The following ATP2C2 variants were observed in gnomAD, a reference collection of about 807,000 sequenced individuals.
ATP2C2 encodes calcium-transporting ATPase type 2C member 2.
Under a neutral mutation model 110.8 loss-of-function variants are expected in ATP2C2, and 171 were observed. The observed-to-expected ratio is 1.54, with a 90% confidence interval of 1.36 to 1.75. The LOEUF is 1.75. ATP2C2 is among the 40% of genes most tolerant of loss of function. ATP2C2 has a pLI of 0.00. For synonymous variants in ATP2C2, 804 were observed against 508.4 expected, an observed-to-expected ratio of 1.58 and a Z score of -7.82; for missense variants, 1,963 against 1,235.0, an observed-to-expected ratio of 1.59 and a Z score of -8.84.
intron 20 of ATP2C2, among the ~76,000 whole-genome samples, chr16:84,454,008 T>A (rs962689956): frequency 1.3e-5 from 2 of 152,098 alleles, no homozygotes; most frequent in Non-Finnish European, 2.9e-5. Flanking sequence ...ACCCGGCTAA[T>A]GTTTGTAATT....
intron 18 of ATP2C2, among the ~76,000 whole-genome samples, chr16:84,452,758 C>A (rs1027450807): frequency 6.6e-6 from 1 of 152,130 alleles, no homozygotes; most frequent in Non-Finnish European, 1.5e-5. Flanking sequence ...CTCGGCCTCA[C>A]AAAGTGCTGG....
chr16:84,413,070 C>G (rs247812), intron 6 of ATP2C2, among the ~76,000 whole-genome samples: 2 of 149,914 alleles, frequency 1.3e-5, no homozygotes, highest in Non-Finnish European at 3.0e-5. Context: ...TGTACTCCAG[C>G]CTGTGCGATA....
intron 1 of ATP2C2, among the ~76,000 whole-genome samples, chr16:84,381,594 T>C (rs1910581608): frequency 6.6e-6 from 1 of 151,882 alleles, no homozygotes; most frequent in South Asian, 2.1e-4. Context: ...AGAAAAAATA[T>C]TTAAAAAAAA....
At chr16:84,385,279 T>A (rs1363728054) in intron 1 of ATP2C2, among the ~76,000 whole-genome samples, 1 of 151,666 alleles carries the variant, frequency 6.6e-6, no homozygotes, top group East Asian at 1.9e-4. Context: ...TGCTTTTAAA[T>A]GACGAGATCT....
intron 24 of ATP2C2, 122 bp from the exon 25 acceptor site, chr16:84,461,592 C>G: frequency 1.2e-6 from 1 of 856,312 alleles, no homozygotes; most frequent in South Asian, 1.4e-5. Flanking sequence ...GTGACCGATT[C>G]ATGAGCTTGT....
At chr16:84,377,197 G>A (rs1016079096) in intron 1 of ATP2C2, among the ~76,000 whole-genome samples, 8 of 152,120 alleles carry the variant, frequency 5.3e-5, no homozygotes, top group Non-Finnish European at 1.2e-4. Context: ...TCTTAGTAGT[G>A]GAAGTTGTGT....
chr16:84,401,222 C>CTTTTTTTTTT (rs55635029), intron 2 of ATP2C2, among the ~76,000 whole-genome samples: 1 of 121,592 alleles, frequency 8.2e-6, no homozygotes, highest in Non-Finnish European at 1.6e-5. Flanking sequence ...AGTCTTTAAT[C>CTTTTTTTTTT]TTTTTTTTTT....
chr16:84,372,465 G>A (rs1029063846), intron 1 of ATP2C2, among the ~76,000 whole-genome samples: 1 of 152,012 alleles, frequency 6.6e-6, no homozygotes, highest in African/African-American at 2.4e-5. Flanking sequence ...ACAGTGTCTC[G>A]CCCTGTCACC....
At chr16:84,462,155 G>T (rs34205686) in intron 26 of ATP2C2, 26 bp downstream of exon 26, 11 of 1,601,976 alleles carry the variant, frequency 6.9e-6, no homozygotes, top group Non-Finnish European at 8.5e-6. Flanking sequence ...GGGAACGACA[G>T]GTGACCTCGA....
chr16:84,441,484 C>T (rs565625186), intron 14 of ATP2C2, among the ~76,000 whole-genome samples: 1 of 152,134 alleles, frequency 6.6e-6, no homozygotes, highest in Non-Finnish European at 1.5e-5. Context: ...GCTGTACTCA[C>T]CCTTTCACAG....
At chr16:84,459,753 G>C (rs145418686) in intron 23 of ATP2C2, 3 of 630,918 alleles carry the variant, frequency 4.8e-6, no homozygotes, top group South Asian at 1.9e-5. Flanking sequence ...TTTTTCCCTA[G>C]AGAGGAAGAT....
At chr16:84,449,434 G>C (rs773409998) in intron 17 of ATP2C2, among the ~76,000 whole-genome samples, 48 of 152,214 alleles carry the variant, frequency 3.2e-4, no homozygotes, top group Non-Finnish European at 5.1e-4. Flanking sequence ...CAAATGGTTT[G>C]TGTTGCGCTG....
chr16:84,417,591 T>A (rs1906953121), intron 7 of ATP2C2, among the ~76,000 whole-genome samples: 1 of 152,222 alleles, frequency 6.6e-6, no homozygotes, highest in African/African-American at 2.4e-5. Flanking sequence ...TCTGCCCTGC[T>A]TATGTTAAAT....
rs115908328 is a variant in ATP2C2, at chr16:84,370,343, G to C, written c.99+1629G>C. Among the ~76,000 whole-genome samples, 198 of 152,372 alleles carry C rather than the reference G, an allele frequency of 1.3e-3. 2 individuals are homozygous for C. The highest frequency in any genetic ancestry group is 4.4e-3 in the African/African-American group (183 of 41,592). ...GGCCCTGGGTGCGTGATGATGGGCAGTGTGCAGCGCCAGGAGGCGGGTGAT... is the reference window on the plus strand; with the variant it reads ...GGCCCTGGGTGCGTGATGATGGGCACTGTGCAGCGCCAGGAGGCGGGTGAT... On this transcript the variant is annotated intron_variant, in intron 1 of 26. Coordinates refer to ENST00000262429, the MANE Select transcript of ATP2C2 (RefSeq NM_014861.4).
intron 21 of ATP2C2, 116 bp from the exon 22 acceptor site, chr16:84,459,004 G>T: frequency 8.8e-7 from 1 of 1,136,456 alleles, no homozygotes; most frequent in South Asian, 1.3e-5. Context: ...AACCAGCAGG[G>T]GCCCAAGTAT....
chr16:84,452,225 C>T lies in ATP2C2; in HGVS notation c.1831+134C>T, dbSNP rs541310983. On this transcript the variant is annotated intron_variant, in intron 18 of 26. Transcript: ENST00000262429. ...CCTAGCCCTACAGGCTTAGAAAAGA[C>T]GCTGAGTATTCGTGTGCCAGCATTC... 7.0e-4 allele frequency: 767 copies of T among 1,103,528 alleles called. 13 individuals are homozygous for T. The South Asian group carries it at 0.01, about 15-fold the overall frequency. 68.4% of individuals were successfully genotyped at this position (1,103,528 alleles called of 1,614,324 possible).
chr16:84,422,822 T>G (rs1907472447), intron 9 of ATP2C2, 125 bp downstream of exon 9: 2 of 1,089,666 alleles, frequency 1.8e-6, no homozygotes, highest in African/African-American at 3.3e-5. Flanking sequence ...AGTATACTTT[T>G]TAAACATTTA....
chr16:84,404,576 T>A (rs961945354), intron 2 of ATP2C2: 2 of 242,858 alleles, frequency 8.2e-6, no homozygotes, highest in African/African-American at 4.6e-5. Context: ...GTGTACACCA[T>A]GTTTCATGCA....
intron 15 of ATP2C2, among the ~76,000 whole-genome samples, chr16:84,444,588 C>T (rs140732305): frequency 6.6e-6 from 1 of 152,216 alleles, no homozygotes; most frequent in Non-Finnish European, 1.5e-5. Context: ...TAAAATAGTG[C>T]TGAGTCTGCC....
Sources: gnomAD v4.1 joint callset for allele counts (sites outside exome capture counted in the v4.1 genomes callset) on GRCh38, gnomAD v4.1.1 for gene constraint, MANE v1.5 for transcripts, NCBI Gene and HGNC (gene_info 2026-07-23, HGNC 2026-07-21) for gene names.